AK5: variants seen among roughly 807,000 people sequenced by gnomAD.
AK5 encodes the protein adenylate kinase isoenzyme 5.
Under a neutral mutation model 69.5 loss-of-function variants are expected in AK5, and 27 were observed. That is an observed-to-expected ratio of 0.39 (90% CI 0.29 to 0.54). AK5 has a LOEUF of 0.54. Among genes scored for constraint, AK5 ranks in the 20% least tolerant of loss-of-function variants. The pLI, the probability that AK5 is intolerant of heterozygous loss-of-function variation, is 0.71. For missense variants in AK5, 531 were observed against 700.4 expected (o/e 0.76, Z 2.73); for synonymous variants, 260 against 244.4 (o/e 1.06, Z -0.60).
chr1:77,340,738 T>G (rs2100382822), intron 6 of AK5, 170 bp downstream of exon 6: 1 of 408,532 alleles, frequency 2.4e-6, no homozygotes, highest in South Asian at 1.0e-4. Context: ...TTTTAAGCCA[T>G]CATGTTTTTT....
chr1:77,340,085 A>G (rs1300448018), intron 5 of AK5, among the ~76,000 whole-genome samples: 1 of 152,200 alleles, frequency 6.6e-6, no homozygotes, highest in Non-Finnish European at 1.5e-5. Context: ...TTTTTAGCAA[A>G]GTTTGGCTGA....
intron 10 of AK5, among the ~76,000 whole-genome samples, chr1:77,506,474 C>T (rs1159950097): frequency 6.6e-6 from 1 of 151,890 alleles, no homozygotes; most frequent in African/African-American, 2.4e-5. Flanking sequence ...TCAGAACCAC[C>T]ACCAACAGGC....
intron 5 of AK5, among the ~76,000 whole-genome samples, chr1:77,339,460 T>C (rs1254168754): frequency 3.3e-5 from 5 of 152,164 alleles, no homozygotes; most frequent in Non-Finnish European, 7.3e-5. Context: ...CCTTTGGGCC[T>C]TTTAGTGCTT....
chr1:77,368,220 T>TAG (rs1647035841), intron 6 of AK5, among the ~76,000 whole-genome samples: 1 of 30,048 alleles, frequency 3.3e-5, no homozygotes, highest in Non-Finnish European at 6.3e-5. Flanking sequence ...AGATACTATA[T>TAG]ATATATATAT....
chr1:77,436,928 T>A (rs999378836), intron 8 of AK5, among the ~76,000 whole-genome samples: 43 of 152,172 alleles, frequency 2.8e-4, no homozygotes, highest in African/African-American at 9.4e-4. Context: ...TTTCATTAAA[T>A]CAACAATATT....
At chr1:77,448,291 A>G (rs1652883008) in intron 8 of AK5, among the ~76,000 whole-genome samples, 1 of 152,164 alleles carries the variant, frequency 6.6e-6, no homozygotes, top group Non-Finnish European at 1.5e-5. Context: ...CCATGGGCCA[A>G]TCAGCATGCC....
chr1:77,551,247 A>G (rs529126405), intron 13 of AK5, among the ~76,000 whole-genome samples: 8 of 142,752 alleles, frequency 5.6e-5, no homozygotes, highest in Admixed American at 4.2e-4. Flanking sequence ...ACACACACAC[A>G]CCTTCTATAA....
At chr1:77,539,276 G>A (rs1164019376) in intron 13 of AK5, among the ~76,000 whole-genome samples, 2 of 152,270 alleles carry the variant, frequency 1.3e-5, no homozygotes, top group African/African-American at 4.8e-5. Flanking sequence ...TGGTGGAAAA[G>A]AGGTTTGCAG....
intron 8 of AK5, among the ~76,000 whole-genome samples, chr1:77,459,756 G>A (rs1299317328): frequency 6.6e-6 from 1 of 152,152 alleles, no homozygotes; most frequent in African/African-American, 2.4e-5. Flanking sequence ...CTCAGTACAT[G>A]GTGGCTATCA....
At chr1:77,391,483 ATG>A (rs377483838) in intron 6 of AK5, among the ~76,000 whole-genome samples, 5 of 92,488 alleles carry the variant, frequency 5.4e-5, no homozygotes, top group African/African-American at 2.4e-4. Flanking sequence ...GTGTGTGTGT[ATG>A]TGTGTGTGTG....
At chr1:77,283,494 T>G in intron 1 of AK5, 1 of 985,376 alleles carries the variant, frequency 1.0e-6, no homozygotes, top group Non-Finnish European at 1.2e-6. Flanking sequence ...CTTGAGAAAA[T>G]AATTTTGCCT....
In AK5 at chr1:77,559,181, C is replaced by T. The variant is rs964756571; in HGVS notation, c.*511C>T. The T allele has an allele frequency of 6.6e-6, 1 of 152,510 alleles. No individual in the cohort carries two copies. The highest frequency in any genetic ancestry group is 1.5e-5 in the Non-Finnish European group (1 of 68,326). 9.4% of individuals were successfully genotyped at this position (152,510 alleles called of 1,614,324 possible). The stretch of plus-strand genomic sequence containing the variant: ...ACTCTCATCCACTGGTGGCTCAGAG[C>T]CATAAGGTGGGTTGATTACACAATG... On this transcript the variant is annotated 3_prime_UTR_variant, in exon 14 of 14. Transcript: ENST00000354567.
chr1:77,351,273 C>T (rs1662183241), intron 6 of AK5, among the ~76,000 whole-genome samples: 1 of 151,990 alleles, frequency 6.6e-6, no homozygotes, highest in Non-Finnish European at 1.5e-5. Context: ...TGCACACCTG[C>T]AGTCCCGGCT....
intron 5 of AK5, among the ~76,000 whole-genome samples, chr1:77,328,883 T>TG (rs1660945496): frequency 6.6e-6 from 1 of 152,184 alleles, no homozygotes; most frequent in African/African-American, 2.4e-5. Context: ...CGGAAGTGAA[T>TG]ATGGCTTATG....
chr1:77,477,366 A>T (rs954220254), intron 8 of AK5, among the ~76,000 whole-genome samples: 9 of 152,062 alleles, frequency 5.9e-5, no homozygotes, highest in African/African-American at 2.2e-4. Flanking sequence ...TCCTATTAAG[A>T]TTCTGCCCCT....
chr1:77,475,547 A>T (rs1053458880), intron 8 of AK5, among the ~76,000 whole-genome samples: 9 of 134,356 alleles, frequency 6.7e-5, no homozygotes, highest in Admixed American at 1.7e-4. Context: ...AATATATATT[A>T]TATATATATA....
chr1:77,431,909 G>A (rs1221280311), intron 8 of AK5, among the ~76,000 whole-genome samples: 2 of 152,212 alleles, frequency 1.3e-5, no homozygotes, highest in African/African-American at 2.4e-5. Context: ...GGTGGTGTCA[G>A]TCCAAGTTTG....
intron 6 of AK5, among the ~76,000 whole-genome samples, chr1:77,370,254 G>T (rs564188259): frequency 6.6e-6 from 1 of 152,128 alleles, no homozygotes; most frequent in East Asian, 1.9e-4. Flanking sequence ...CTCCAGCTCC[G>T]TGGAGAACTC....
chr1:77,392,046 CT>C, intron 6 of AK5, among the ~76,000 whole-genome samples: 1 of 152,270 alleles, frequency 6.6e-6, no homozygotes, highest in East Asian at 1.9e-4. Flanking sequence ...TTCTAGAATC[CT>C]TGGATCATGC....
Sources: allele counts gnomAD v4.1 joint callset (sites outside exome capture counted in the v4.1 genomes callset), GRCh38; gene constraint gnomAD v4.1.1; transcripts MANE v1.5; gene names NCBI Gene and HGNC (gene_info 2026-07-23, HGNC 2026-07-21).